DTWD2: variants seen among roughly 807,000 people sequenced by gnomAD.
DTWD2 encodes tRNA-uridine aminocarboxypropyltransferase 2.
Under a neutral mutation model 31.8 loss-of-function variants are expected in DTWD2, and 39 were observed. That is an observed-to-expected ratio of 1.22 (90% CI 0.95 to 1.60). DTWD2 has a LOEUF of 1.60. Ranked by LOEUF, DTWD2 falls within the 40% of genes most tolerant of loss-of-function variation. The pLI is 0.00. For missense variants in DTWD2, 515 were observed against 381.5 expected, an observed-to-expected ratio of 1.35 and a Z score of -2.92; for synonymous variants, 180 against 142.8, an observed-to-expected ratio of 1.26 and a Z score of -1.86.
chr5:118,927,160 C>A (rs968783629), intron 4 of DTWD2, among the ~76,000 whole-genome samples: 6 of 151,888 alleles, frequency 4.0e-5, no homozygotes, highest in Non-Finnish European at 7.4e-5. Flanking sequence ...GTACTAATCC[C>A]ATCATGAGGG....
intron 5 of DTWD2, among the ~76,000 whole-genome samples, chr5:118,845,977 G>GA (rs1474979952): frequency 7.9e-5 from 12 of 152,050 alleles, no homozygotes; most frequent in Middle Eastern, 3.2e-3. Flanking sequence ...ATGAAAGAAT[G>GA]AAAAAATGCT....
rs1057118752 is a variant in DTWD2, at chr5:118,988,129, C to T, written c.218+165G>A. 7 of 825,104 alleles carry T rather than the reference C, an allele frequency of 8.5e-6. 1 individual carries two copies. The East Asian group carries it at 1.9e-4, about 22-fold the overall frequency. 51.1% of individuals were successfully genotyped at this position (825,104 alleles called of 1,614,324 possible). On this transcript the variant is annotated intron_variant, in intron 1 of 5. Transcript: ENST00000510708. ...ATGAACCTGGAAAAAGGGCTTCTTA[C>T]TAGGTAGCTGTGCCTGGCATTTCCG...
At position 118,988,330 on chromosome 5, in the gene DTWD2, T is replaced by C. The variant is rs1327931060; in HGVS notation, c.182A>G (p.Glu61Gly). ...GCACTCAGGCCTCCGCTCGGCCGGC[T>C]CCACCGGCAGCTCCCACAGCCCGTC... Reference protein sequence around the residue: ...SADGLWELPVEPAERRPECTR... With the variant: ...SADGLWELPVGPAERRPECTR... Residue 61 changes from glutamate to glycine, a missense_variant, in exon 1 of 6, where the codon GAG (glutamate) becomes GGG (glycine). Transcript: ENST00000510708. The C allele has an allele frequency of 1.3e-6, 2 of 1,543,630 alleles. No individual in the cohort carries two copies. Among genetic ancestry groups the C allele is most frequent in the Admixed American group, 2.0e-5 (1 of 50,234 alleles).
intron 1 of DTWD2, chr5:118,973,655 GCGGCAGC>G (rs1755049040): frequency 8.6e-6 from 7 of 816,246 alleles, no homozygotes; most frequent in African/African-American, 6.9e-5. Flanking sequence ...CTCCTTGCTC[GCGGCAGC>G]CTCCTTGCTC....
intron 1 of DTWD2, among the ~76,000 whole-genome samples, chr5:118,985,622 A>G (rs114407075): frequency 1.6e-3 from 236 of 151,380 alleles, no homozygotes; most frequent in African/African-American, 5.4e-3. Context: ...GTGAACATGC[A>G]TCCTTTTGCC....
chr5:118,856,822 G>A (rs1451230609), intron 4 of DTWD2, among the ~76,000 whole-genome samples: 3 of 134,876 alleles, frequency 2.2e-5, no homozygotes, highest in African/African-American at 8.4e-5. Context: ...GCCCAGGCTG[G>A]AGTACAATGG....
At chr5:118,985,486 ATT>A (rs201766881) in intron 1 of DTWD2, among the ~76,000 whole-genome samples, 5,410 of 102,606 alleles carry the variant, frequency 0.053, 276 homozygotes, top group African/African-American at 0.16. Context: ...GCTTATGTGC[ATT>A]TTTATATATA....
At chr5:118,963,308 A>C (rs1467507902) in intron 1 of DTWD2, among the ~76,000 whole-genome samples, 2 of 152,226 alleles carry the variant, frequency 1.3e-5, no homozygotes, top group Non-Finnish European at 2.9e-5. Flanking sequence ...CTTGAAATAG[A>C]GTATGATTGC....
intron 4 of DTWD2, among the ~76,000 whole-genome samples, chr5:118,854,714 A>G (rs1156573654): frequency 1.3e-5 from 2 of 152,174 alleles, no homozygotes; most frequent in African/African-American, 4.8e-5. Context: ...TCTTCAAGGT[A>G]GTCAACTCAA....
chr5:118,926,892 A>C (rs1442324794), intron 4 of DTWD2, among the ~76,000 whole-genome samples: 1 of 152,166 alleles, frequency 6.6e-6, no homozygotes, highest in East Asian at 1.9e-4. Flanking sequence ...CTTAATAAAG[A>C]AATTTAGTAC....
chr5:118,870,152 C>CT (rs1752470515), intron 4 of DTWD2, among the ~76,000 whole-genome samples: 1 of 152,164 alleles, frequency 6.6e-6, no homozygotes, highest in African/African-American at 2.4e-5. Flanking sequence ...AAATAAATCT[C>CT]TTTTCTTTAT....
intron 4 of DTWD2, among the ~76,000 whole-genome samples, chr5:118,865,338 A>G (rs1392512421): frequency 6.6e-6 from 1 of 152,198 alleles, no homozygotes; most frequent in Non-Finnish European, 1.5e-5. Context: ...TTGCTGACTC[A>G]AGAAACACTG....
Position 118,978,960 on chromosome 5 carries a change from C to T in DTWD2, c.218+9334G>A, listed in dbSNP as rs61526513. 3.3e-3 allele frequency among the ~76,000 whole-genome samples: 492 copies of T among 150,352 alleles called. 2 individuals are homozygous for T. Among genetic ancestry groups the T allele is most frequent in the African/African-American group, 0.012 (482 of 40,790 alleles). On this transcript the variant is annotated intron_variant, in intron 1 of 5. Coordinates refer to ENST00000510708, the MANE Select transcript of DTWD2 (RefSeq NM_173666.4). ...GATGGAGGTTGCAGTGAGCCAAGATCACATCACTGCGCTCCAGCCTGGGTT... is the reference window on the plus strand; with the variant it reads ...GATGGAGGTTGCAGTGAGCCAAGATTACATCACTGCGCTCCAGCCTGGGTT...
At chr5:118,922,948 G>C (rs958145397) in intron 4 of DTWD2, among the ~76,000 whole-genome samples, 13 of 151,932 alleles carry the variant, frequency 8.6e-5, no homozygotes, top group African/African-American at 3.1e-4. Flanking sequence ...TTTCTTTTTT[G>C]AGAACTCCTC....
At chr5:118,938,485 A>C (rs555282226) in intron 3 of DTWD2, among the ~76,000 whole-genome samples, 1 of 152,310 alleles carries the variant, frequency 6.6e-6, no homozygotes, top group African/African-American at 2.4e-5. Flanking sequence ...CAAAAGCCTA[A>C]ATTAATCATT....
At chr5:118,862,277 A>T (rs1380553501) in intron 4 of DTWD2, among the ~76,000 whole-genome samples, 1 of 152,230 alleles carries the variant, frequency 6.6e-6, no homozygotes, top group Non-Finnish European at 1.5e-5. Context: ...TGGGTGCCAA[A>T]AAGGTTGGGG....
At chr5:118,912,923 C>T (rs1444299764) in intron 4 of DTWD2, among the ~76,000 whole-genome samples, 1 of 152,166 alleles carries the variant, frequency 6.6e-6, no homozygotes, top group African/African-American at 2.4e-5. Flanking sequence ...ACAAACTAAA[C>T]ATACCAAAGC....
intron 5 of DTWD2, among the ~76,000 whole-genome samples, chr5:118,847,712 A>G (rs987989774): frequency 3.3e-5 from 5 of 152,074 alleles, no homozygotes; most frequent in South Asian, 2.1e-4. Flanking sequence ...AAATGTTGCT[A>G]TAGAATGTTC....
At chr5:118,895,406 G>T (rs1019151421) in intron 4 of DTWD2, among the ~76,000 whole-genome samples, 6 of 152,136 alleles carry the variant, frequency 3.9e-5, no homozygotes, top group Admixed American at 6.5e-5. Flanking sequence ...TGGATTGGAA[G>T]AATTAATATT....
Sources: gnomAD v4.1 joint callset for allele counts (sites outside exome capture counted in the v4.1 genomes callset) on GRCh38, gnomAD v4.1.1 for gene constraint, MANE v1.5 for transcripts, NCBI Gene and HGNC (gene_info 2026-07-23, HGNC 2026-07-21) for gene names.